MYO5B: variants seen among roughly 807,000 people sequenced by gnomAD.
The protein encoded by MYO5B is unconventional myosin-Vb.
Under a neutral mutation model 229.3 loss-of-function variants are expected in MYO5B, and 143 were observed. The ratio of observed to expected loss-of-function variants is 0.62; its 90% CI spans 0.54 to 0.72. The LOEUF (loss-of-function observed/expected upper bound fraction) is 0.72, where lower values mean the gene tolerates loss of function less well. Ranked by LOEUF, MYO5B falls within the 30% of genes least tolerant of loss-of-function variation. The probability of loss-of-function intolerance (pLI) is 0.00; values close to 1 mark genes in which losing one functional copy is unlikely to be tolerated. For missense variants in MYO5B, 2,321 were observed against 2,331.0 expected (o/e 1.00, Z 0.09); for synonymous variants, 918 against 885.2 (o/e 1.04, Z -0.66).
chr18:50,182,686 G>T (rs972521917), intron 1 of MYO5B, among the ~76,000 whole-genome samples: 1 of 152,172 alleles, frequency 6.6e-6, no homozygotes, highest in African/African-American at 2.4e-5. Context: ...ATAGACTTTG[G>T]CAAGTGCCAG....
chr18:49,930,086 G>A (rs2025173286), intron 16 of MYO5B, among the ~76,000 whole-genome samples: 1 of 152,220 alleles, frequency 6.6e-6, no homozygotes, highest in African/African-American at 2.4e-5. Flanking sequence ...CCAGCTGGGT[G>A]TCTACTTTGG....
chr18:50,089,398 A>T (rs1202454057), intron 1 of MYO5B, among the ~76,000 whole-genome samples: 1 of 152,036 alleles, frequency 6.6e-6, no homozygotes, highest in African/African-American at 2.4e-5. Context: ...AAAAAAAGTT[A>T]TAGGAACCTT....
At chr18:49,943,105 C>T (rs1269043767) in intron 14 of MYO5B, among the ~76,000 whole-genome samples, 2 of 151,212 alleles carry the variant, frequency 1.3e-5, no homozygotes, top group Non-Finnish European at 2.9e-5. Context: ...TCTCAGCAAA[C>T]TATCACAAGG....
intron 22 of MYO5B, among the ~76,000 whole-genome samples, chr18:49,893,047 T>C (rs1415687940): frequency 6.6e-6 from 1 of 152,190 alleles, no homozygotes; most frequent in East Asian, 1.9e-4. Context: ...TCTGTTTTGC[T>C]CCTCCAATGA....
At chr18:50,036,412 T>A (rs1056142247) in intron 4 of MYO5B, among the ~76,000 whole-genome samples, 1 of 152,226 alleles carries the variant, frequency 6.6e-6, no homozygotes, top group African/African-American at 2.4e-5. Flanking sequence ...TGCCCTTACG[T>A]GCTTGGCATC....
At chr18:49,975,470 T>C (rs1260579022) in intron 9 of MYO5B, among the ~76,000 whole-genome samples, 2 of 152,336 alleles carry the variant, frequency 1.3e-5, no homozygotes, top group Middle Eastern at 3.4e-3. Context: ...TGCATTGTCC[T>C]ATGCTTCCAA....
chr18:49,915,767 G>A (rs942621401), intron 17 of MYO5B, among the ~76,000 whole-genome samples: 2 of 152,146 alleles, frequency 1.3e-5, no homozygotes, highest in African/African-American at 4.8e-5. Flanking sequence ...ACTTAATGCC[G>A]GAACCCTGGG....
At chr18:49,888,739 G>A (rs924498874) in intron 22 of MYO5B, among the ~76,000 whole-genome samples, 1 of 152,162 alleles carries the variant, frequency 6.6e-6, no homozygotes, top group Non-Finnish European at 1.5e-5. Flanking sequence ...TCCAGGATCT[G>A]CCTGAATGTT....
chr18:49,936,701 G>A lies in MYO5B; in HGVS notation c.1906-352C>T, dbSNP rs1357395342. 2.0e-5 allele frequency among the ~76,000 whole-genome samples: 3 copies of A among 152,188 alleles called. No homozygotes were observed. The East Asian group carries it at 5.8e-4, about 29-fold the overall frequency. On this transcript the variant is annotated intron_variant, in intron 15 of 39. Transcript: ENST00000285039. ...GAAGCCTGCTCTTCCTAAACCTGAG[G>A]GCCTGGGACCCTGACATCCGATGCC...
Position 49,937,320 on chromosome 18 carries a change from C to A in MYO5B, c.1830G>T (p.Ser610=), listed in dbSNP as rs533990456. 1 of 1,614,128 alleles carries A rather than the reference C, an allele frequency of 6.2e-7. No individual in the cohort carries two copies. Among genetic ancestry groups the A allele is most frequent in the Non-Finnish European group, 8.5e-7 (1 of 1,180,016 alleles). Reference sequence around the variant, plus strand: ...GTCTGGCAGAACGGACGCTGATCTTCGAAGATGACCCCTTCCCAGGGGTGG... The same window carrying A: ...GTCTGGCAGAACGGACGCTGATCTTAGAAGATGACCCCTTCCCAGGGGTGG... ...PATTPGKGSS[S]KISVRSARPP... Residue 610 remains serine (S), a synonymous_variant, in exon 15 of 40, where the codon TCG becomes TCT. Transcript: ENST00000285039.
rs200913462 is a variant in MYO5B, at chr18:49,863,219, G to A, written c.3944+8C>T. ...CTCGTCCAGCACATTTGACCGCGGC[G>A]GCCTTACCTGTTTGTCTGGCAGACC... On this transcript the variant is annotated splice_region_variant and intron_variant, in intron 29 of 39. Coordinates refer to ENST00000285039, the MANE Select transcript of MYO5B (RefSeq NM_001080467.3). The A allele has an allele frequency of 6.5e-5, 105 of 1,609,866 alleles. No homozygotes were observed. Among genetic ancestry groups the A allele is most frequent in the African/African-American group, 4.4e-4 (33 of 74,906 alleles).
At chr18:49,832,605 A>T (rs1244082180) in intron 39 of MYO5B, among the ~76,000 whole-genome samples, 1 of 152,226 alleles carries the variant, frequency 6.6e-6, no homozygotes. Flanking sequence ...GGAGCATGGC[A>T]CTGTAAGATG....
chr18:49,901,908 T>C (rs186769118), intron 21 of MYO5B, among the ~76,000 whole-genome samples: 127 of 152,284 alleles, frequency 8.3e-4, no homozygotes, highest in African/African-American at 2.9e-3. Context: ...GCCGCTATAT[T>C]AGACAAGCTA....
chr18:50,119,248 C>A (rs1403760588), intron 1 of MYO5B, among the ~76,000 whole-genome samples: 2 of 152,186 alleles, frequency 1.3e-5, no homozygotes, highest in African/African-American at 2.4e-5. Flanking sequence ...ACTGTTCTAT[C>A]CCAGACGAGG....
chr18:50,179,088 C>T (rs1025975323), intron 1 of MYO5B, among the ~76,000 whole-genome samples: 3 of 151,992 alleles, frequency 2.0e-5, no homozygotes, highest in South Asian at 2.1e-4. Context: ...ATCTTAGGGC[C>T]GATAGCCCAG....
chr18:49,896,015 C>T (rs2024774987), intron 21 of MYO5B, among the ~76,000 whole-genome samples: 1 of 152,204 alleles, frequency 6.6e-6, no homozygotes, highest in Non-Finnish European at 1.5e-5. Context: ...ATTGATTATT[C>T]TTCATTGCTC....
intron 1 of MYO5B, among the ~76,000 whole-genome samples, chr18:50,157,522 G>C (rs2032699737): frequency 6.6e-6 from 1 of 152,096 alleles, no homozygotes; most frequent in Non-Finnish European, 1.5e-5. Flanking sequence ...AACCTGTCAA[G>C]CCCTTTCCTG....
chr18:49,901,971 C>T (rs2024846661), intron 21 of MYO5B, among the ~76,000 whole-genome samples: 1 of 152,256 alleles, frequency 6.6e-6, no homozygotes, highest in Non-Finnish European at 1.5e-5. Flanking sequence ...TCCATGCACA[C>T]CAGCTGCTGC....
At chr18:50,173,108 C>CA (rs1351774646) in intron 1 of MYO5B, among the ~76,000 whole-genome samples, 2 of 151,844 alleles carry the variant, frequency 1.3e-5, no homozygotes, top group Non-Finnish European at 1.5e-5. Context: ...ACTAAAAACA[C>CA]AAAAAAATTA....
Sources: allele counts gnomAD v4.1 joint callset (sites outside exome capture counted in the v4.1 genomes callset), GRCh38; gene constraint gnomAD v4.1.1; transcripts MANE v1.5; gene names NCBI Gene and HGNC (gene_info 2026-07-23, HGNC 2026-07-21).